Variants in DCC observed in about 807,000 individuals in gnomAD.
DCC encodes DCC netrin 1 receptor, also known as netrin receptor DCC.
Under a neutral mutation model 172.5 loss-of-function variants are expected in DCC, and 58 were observed. The ratio of observed to expected loss-of-function variants is 0.34; its 90% CI spans 0.27 to 0.42. The LOEUF (loss-of-function observed/expected upper bound fraction) is 0.42. Ranked by LOEUF, DCC falls within the 10% of genes least tolerant of loss-of-function variation. DCC has a pLI of 1.00. For missense variants in DCC, 1,740 were observed against 1,791.0 expected, an observed-to-expected ratio of 0.97 and a Z score of 0.51; for synonymous variants, 709 against 644.5, an observed-to-expected ratio of 1.10 and a Z score of -1.52.
intron 7 of DCC, among the ~76,000 whole-genome samples, chr18:53,075,903 G>A (rs140313899): frequency 8.5e-5 from 13 of 152,204 alleles, no homozygotes; most frequent in African/African-American, 3.1e-4. Context: ...CCTGCTACCC[G>A]CTGTAAATTC....
At chr18:52,756,734 C>T (rs1415454274) in intron 2 of DCC, among the ~76,000 whole-genome samples, 4 of 152,132 alleles carry the variant, frequency 2.6e-5, no homozygotes, top group Non-Finnish European at 5.9e-5. Flanking sequence ...CTATCTGAGC[C>T]TCTGGAGTAT....
chr18:52,574,658 C>T (rs534422513), intron 1 of DCC, among the ~76,000 whole-genome samples: 5 of 152,274 alleles, frequency 3.3e-5, no homozygotes, highest in African/African-American at 1.2e-4. Flanking sequence ...TTTGAAACCA[C>T]AAAACTTTTA....
chr18:53,385,990 T>G, intron 15 of DCC, 53 bp from the exon 16 acceptor site: 2 of 1,192,420 alleles, frequency 1.7e-6, no homozygotes, highest in East Asian at 2.3e-5. Context: ...CCTTGAGTAT[T>G]TTGATACATT....
intron 1 of DCC, among the ~76,000 whole-genome samples, chr18:52,593,086 T>C (rs1598939650): frequency 6.6e-6 from 1 of 152,206 alleles, no homozygotes; most frequent in African/African-American, 2.4e-5. Context: ...TTCAATAGAT[T>C]CATGGCTGGG....
intron 12 of DCC, among the ~76,000 whole-genome samples, chr18:53,256,817 T>A (rs1321651138): frequency 6.6e-6 from 1 of 152,096 alleles, no homozygotes; most frequent in East Asian, 1.9e-4. Context: ...TGGCCATTTT[T>A]ACAATATTGA....
chr18:53,075,713 A>G (rs533234951), intron 7 of DCC, among the ~76,000 whole-genome samples: 1 of 152,318 alleles, frequency 6.6e-6, no homozygotes, highest in Non-Finnish European at 1.5e-5. Context: ...ACATACATAC[A>G]TATAGATTAT....
intron 1 of DCC, among the ~76,000 whole-genome samples, chr18:52,584,607 A>G (rs2033628412): frequency 6.6e-6 from 1 of 152,072 alleles, no homozygotes; most frequent in Non-Finnish European, 1.5e-5. Context: ...CTTTACTAGT[A>G]TTATAACCCT....
At chr18:52,707,884 T>C (rs897886724) in intron 1 of DCC, among the ~76,000 whole-genome samples, 3 of 152,148 alleles carry the variant, frequency 2.0e-5, no homozygotes, top group East Asian at 1.9e-4. Flanking sequence ...GAGACATTGG[T>C]TAAAGTATAC....
chr18:52,891,340 G>A (rs1568171164), intron 2 of DCC, among the ~76,000 whole-genome samples: 1 of 152,028 alleles, frequency 6.6e-6, no homozygotes, highest in Admixed American at 6.6e-5. Context: ...TGTCTGGTGT[G>A]TCTATTACAT....
At chr18:53,055,398 C>A (rs2042390557) in intron 5 of DCC, among the ~76,000 whole-genome samples, 1 of 152,110 alleles carries the variant, frequency 6.6e-6, no homozygotes. Flanking sequence ...TCAGAGCACC[C>A]AAGCACATTC....
At chr18:52,888,947 G>A (rs2039607905) in intron 2 of DCC, among the ~76,000 whole-genome samples, 1 of 151,870 alleles carries the variant, frequency 6.6e-6, no homozygotes, top group Non-Finnish European at 1.5e-5. Context: ...ACAAGCACAT[G>A]TATGAATATT....
chr18:52,651,187 A>G (rs1002796806), intron 1 of DCC, among the ~76,000 whole-genome samples: 2 of 152,090 alleles, frequency 1.3e-5, no homozygotes, highest in African/African-American at 4.8e-5. Context: ...TTTTGAGAGT[A>G]GGTGTCGCTC....
chr18:52,575,333 G>A (rs555815757), intron 1 of DCC, among the ~76,000 whole-genome samples: 51 of 152,144 alleles, frequency 3.4e-4, no homozygotes, highest in Non-Finnish European at 7.1e-4. Flanking sequence ...AAACCTAAGT[G>A]ATACTGAGAA....
chr18:53,416,191 G>A (rs754035313), intron 21 of DCC, 35 bp downstream of exon 21: 83 of 1,508,516 alleles, frequency 5.5e-5, no homozygotes, highest in Non-Finnish European at 7.4e-5. Context: ...TGTGTTCCTT[G>A]AATCAATCCT....
At chr18:53,490,914 C>G (rs1178130777) in intron 26 of DCC, among the ~76,000 whole-genome samples, 1 of 152,158 alleles carries the variant, frequency 6.6e-6, no homozygotes, top group East Asian at 1.9e-4. Flanking sequence ...TCATTGTATT[C>G]ATTTTGAACA....
At chr18:52,815,463 C>T (rs1253084736) in intron 2 of DCC, among the ~76,000 whole-genome samples, 3 of 152,032 alleles carry the variant, frequency 2.0e-5, no homozygotes, top group Admixed American at 2.0e-4. Flanking sequence ...CCCACCACCC[C>T]CCTGCCCCCC....
intron 7 of DCC, among the ~76,000 whole-genome samples, chr18:53,070,427 A>G (rs983349096): frequency 2.0e-5 from 3 of 152,122 alleles, no homozygotes; most frequent in African/African-American, 4.8e-5. Context: ...ATAAAAAGCT[A>G]TTTCCTTCTA....
At chr18:52,603,829 G>T (rs1353601657) in intron 1 of DCC, among the ~76,000 whole-genome samples, 1 of 151,984 alleles carries the variant, frequency 6.6e-6, no homozygotes. Context: ...AAGAGCATAT[G>T]CTTTTCCTTC....
At chr18:53,153,876 C>T (rs2054684350) in intron 7 of DCC, among the ~76,000 whole-genome samples, 1 of 152,116 alleles carries the variant, frequency 6.6e-6, no homozygotes, top group South Asian at 2.1e-4. Context: ...AAGGAGCTTC[C>T]ACATAAGCAC....
Sources: allele counts gnomAD v4.1 joint callset (sites outside exome capture counted in the v4.1 genomes callset), GRCh38; gene constraint gnomAD v4.1.1; transcripts MANE v1.5; gene names NCBI Gene and HGNC (gene_info 2026-07-23, HGNC 2026-07-21).